PTPRG: variants seen among roughly 807,000 people sequenced by gnomAD.
The protein encoded by PTPRG is protein tyrosine phosphatase receptor type G, also known as receptor-type tyrosine-protein phosphatase gamma.
A neutral mutation model predicts 165.3 loss-of-function variants in PTPRG; 102 were observed. The ratio of observed to expected loss-of-function variants is 0.62; its 90% CI spans 0.53 to 0.73. PTPRG has a LOEUF of 0.73. PTPRG is among the 30% of genes least tolerant of loss of function. The pLI is 0.00. For synonymous variants in PTPRG, 675 were observed against 669.5 expected, an observed-to-expected ratio of 1.01 and a Z score of -0.13; for missense variants, 1,866 against 1,861.4, an observed-to-expected ratio of 1.00 and a Z score of -0.05.
Position 61,946,847 on chromosome 3 carries a change from G to T in PTPRG, c.191-42778G>T, listed in dbSNP as rs184783027. On this transcript the variant is annotated intron_variant, in intron 2 of 29. Coordinates refer to ENST00000474889, the MANE Select transcript of PTPRG (RefSeq NM_002841.4). The stretch of plus-strand genomic sequence containing the variant: ...TGTTCTTATGTTAGAGCTCCTTACG[G>T]TATCTTCCCTCTTCTAGAACTTTTT... 3.3e-5 allele frequency among the ~76,000 whole-genome samples: 5 copies of T among 152,282 alleles called. No individual in the cohort carries two copies. In the East Asian group the frequency reaches 9.6e-4, roughly 29 times the overall value.
chr3:61,797,086 A>C (rs896375011), intron 2 of PTPRG, among the ~76,000 whole-genome samples: 2 of 152,220 alleles, frequency 1.3e-5, no homozygotes, highest in African/African-American at 4.8e-5. Context: ...GCCAGCCGGC[A>C]CAGAAATGTT....
intron 1 of PTPRG, among the ~76,000 whole-genome samples, chr3:61,572,114 G>T (rs1457035494): frequency 6.6e-6 from 1 of 152,180 alleles, no homozygotes; most frequent in Non-Finnish European, 1.5e-5. Context: ...TCCTGTGAGG[G>T]TTTGCTTCCT....
chr3:61,968,648 A>G (rs1264286980), intron 2 of PTPRG, among the ~76,000 whole-genome samples: 1 of 152,184 alleles, frequency 6.6e-6, no homozygotes, highest in African/African-American at 2.4e-5. Flanking sequence ...ATTTCAAACT[A>G]AAATTCCAGG....
intron 2 of PTPRG, among the ~76,000 whole-genome samples, chr3:61,937,576 C>T (rs1182902078): frequency 6.6e-6 from 1 of 152,188 alleles, no homozygotes; most frequent in East Asian, 1.9e-4. Context: ...ACCAACTTTA[C>T]TCTGATGAAG....
chr3:61,659,497 AG>A, intron 1 of PTPRG: 1 of 961,624 alleles, frequency 1.0e-6, no homozygotes. Context: ...AAGAGAAGGT[AG>A]GGGTCTGGAT....
At chr3:61,783,301 C>G (rs13067478) in intron 2 of PTPRG, among the ~76,000 whole-genome samples, 1 of 152,132 alleles carries the variant, frequency 6.6e-6, no homozygotes, top group Non-Finnish European at 1.5e-5. Flanking sequence ...GTTTGCACCA[C>G]TGCACTCCAA....
At chr3:62,125,865 G>A (rs1296774171) in intron 5 of PTPRG, among the ~76,000 whole-genome samples, 3 of 151,918 alleles carry the variant, frequency 2.0e-5, no homozygotes, top group Non-Finnish European at 2.9e-5. Flanking sequence ...CTGGGACCCC[G>A]GCTTGAAATG....
chr3:62,210,624 C>T lies in PTPRG; in HGVS notation c.2155+6674C>T, dbSNP rs770967222. Among the ~76,000 whole-genome samples, 9 of 152,132 alleles carry T rather than the reference C, an allele frequency of 5.9e-5. No homozygotes were observed. The highest frequency in any genetic ancestry group is 2.6e-4 in the Admixed American group (4 of 15,264). ...TGAACTGCTTATATCCACTTATACACGAGTTTTCTTCTGTCTCTGCTACCC... is the reference window on the plus strand; with the variant it reads ...TGAACTGCTTATATCCACTTATACATGAGTTTTCTTCTGTCTCTGCTACCC... On this transcript the variant is annotated intron_variant, in intron 12 of 29. Transcript: ENST00000474889. The surrounding 1 kb of genome is among the most constrained non-coding windows in gnomAD (Gnocchi z 4.1).
At chr3:61,680,924 G>A (rs1421253522) in intron 1 of PTPRG, among the ~76,000 whole-genome samples, 1 of 74,462 alleles carries the variant, frequency 1.3e-5, no homozygotes, top group Non-Finnish European at 3.7e-5. Flanking sequence ...GACAGGAGCT[G>A]TATGGAAATC....
At chr3:61,915,534 C>G (rs1037483823) in intron 2 of PTPRG, among the ~76,000 whole-genome samples, 2 of 152,118 alleles carry the variant, frequency 1.3e-5, no homozygotes, top group African/African-American at 4.8e-5. Context: ...TGAAATATAT[C>G]TTATTTGTCA....
chr3:61,770,687 A>C (rs150305026), intron 2 of PTPRG: 45 of 152,350 alleles, frequency 3.0e-4, no homozygotes, highest in African/African-American at 9.9e-4. Flanking sequence ...GACTCTTAAA[A>C]ATGGAAATTG....
At chr3:62,280,871 T>TA (rs1702406938) in intron 26 of PTPRG, among the ~76,000 whole-genome samples, 1 of 151,844 alleles carries the variant, frequency 6.6e-6, no homozygotes, top group African/African-American at 2.4e-5. Flanking sequence ...TGGGAAGATG[T>TA]AAAATAAATC....
At chr3:61,964,087 T>G (rs2040215258) in intron 2 of PTPRG, among the ~76,000 whole-genome samples, 1 of 152,178 alleles carries the variant, frequency 6.6e-6, no homozygotes, top group Admixed American at 6.5e-5. Context: ...AAAACAAACT[T>G]TTATCAGTGT....
At chr3:61,744,537 G>A (rs1028029921) in intron 1 of PTPRG, among the ~76,000 whole-genome samples, 32 of 152,226 alleles carry the variant, frequency 2.1e-4, no homozygotes, top group Admixed American at 9.2e-4. Context: ...CACATAAAAG[G>A]TACAGTAAAA....
intron 4 of PTPRG, among the ~76,000 whole-genome samples, chr3:62,056,439 A>G (rs1326670441): frequency 2.6e-5 from 4 of 152,006 alleles, no homozygotes; most frequent in Non-Finnish European, 4.4e-5. Flanking sequence ...TAAGCACATC[A>G]TTAGTGTTAG....
At chr3:61,730,752 G>A (rs1446168919) in intron 1 of PTPRG, among the ~76,000 whole-genome samples, 2 of 152,180 alleles carry the variant, frequency 1.3e-5, no homozygotes, top group East Asian at 3.8e-4. Flanking sequence ...GGCACCTCCA[G>A]GAGTGCCTAG....
intron 2 of PTPRG, among the ~76,000 whole-genome samples, chr3:61,835,055 G>C (rs1334595819): frequency 6.6e-6 from 1 of 152,152 alleles, no homozygotes; most frequent in African/African-American, 2.4e-5. Flanking sequence ...TAGAAATAAA[G>C]TCCAAATATA....
chr3:61,860,434 C>CTTTTTTTTTTTTTT (rs766688465), intron 2 of PTPRG, among the ~76,000 whole-genome samples: 9 of 95,554 alleles, frequency 9.4e-5, no homozygotes, highest in Admixed American at 2.8e-4. Context: ...GTTTTTGTTC[C>CTTTTTTTTTTTTTT]TTTTTTTTTT....
chr3:61,876,046 T>G (rs2037730911), intron 2 of PTPRG, among the ~76,000 whole-genome samples: 3 of 152,210 alleles, frequency 2.0e-5, no homozygotes, highest in Non-Finnish European at 4.4e-5. Flanking sequence ...CCTTCAAGAT[T>G]TGAGCATTTG....
Sources: allele counts gnomAD v4.1 joint callset (sites outside exome capture counted in the v4.1 genomes callset), GRCh38; gene constraint gnomAD v4.1.1; non-coding constraint Gnocchi (gnomAD v3.1); transcripts MANE v1.5; gene names NCBI Gene and HGNC (gene_info 2026-07-23, HGNC 2026-07-21).